The following ZC3H18 variants were observed in gnomAD, a reference collection of about 807,000 sequenced individuals.
ZC3H18 encodes zinc finger CCCH-type containing 18, also known as zinc finger CCCH domain-containing protein 18.
ZC3H18 carries 8 observed loss-of-function variants against 106.1 expected under a neutral mutation model. The observed-to-expected ratio is 0.08, with a 90% CI of 0.04 to 0.14. The LOEUF (loss-of-function observed/expected upper bound fraction) is 0.14, where lower values mean the gene tolerates loss of function less well. Among genes scored for constraint, ZC3H18 ranks in the 10% least tolerant of loss-of-function variants. ZC3H18 has a pLI of 1.00. For synonymous variants in ZC3H18, 635 were observed against 522.1 expected, an observed-to-expected ratio of 1.22 and a Z score of -2.95; for missense variants, 1,318 against 1,278.4, an observed-to-expected ratio of 1.03 and a Z score of -0.47.
At chr16:88,577,881 A>G (rs191444128) in intron 2 of ZC3H18, among the ~76,000 whole-genome samples, 155 bp downstream of exon 2, 2 of 152,342 alleles carry the variant, frequency 1.3e-5, no homozygotes, top group Non-Finnish European at 2.9e-5. Flanking sequence ...GTTCAGTCCC[A>G]TAGTGATTGG....
chr16:88,623,479 C>A, intron 10 of ZC3H18, 135 bp downstream of exon 10: 1 of 1,235,774 alleles, frequency 8.1e-7, no homozygotes, highest in Non-Finnish European at 1.1e-6. Context: ...CTAGGATGGC[C>A]AGGGGGTCGT....
At chr16:88,580,554 CCT>C (rs1185464806) in intron 2 of ZC3H18, among the ~76,000 whole-genome samples, 4 of 152,150 alleles carry the variant, frequency 2.6e-5, no homozygotes, top group Non-Finnish European at 5.9e-5. Flanking sequence ...GCTTTTTCCT[CCT>C]CTCAGGCCCA....
chr16:88,628,667 G>T, intron 15 of ZC3H18, 91 bp from the exon 16 acceptor site: 1 of 1,390,178 alleles, frequency 7.2e-7, no homozygotes, highest in Non-Finnish European at 1.0e-6. Context: ...AGCAGAGCAG[G>T]TTGCTGGCAA....
At chr16:88,603,879 G>A (rs1340341757) in intron 6 of ZC3H18, among the ~76,000 whole-genome samples, 7 of 150,012 alleles carry the variant, frequency 4.7e-5, no homozygotes, top group Non-Finnish European at 4.4e-5. Flanking sequence ...GTGATCCACC[G>A]GCCTTGGCCT....
intron 8 of ZC3H18, among the ~76,000 whole-genome samples, chr16:88,613,668 T>C (rs1294988902): frequency 6.6e-6 from 1 of 152,238 alleles, no homozygotes; most frequent in Non-Finnish European, 1.5e-5. Flanking sequence ...TTCAGATCCT[T>C]TGCTCATTTT....
chr16:88,613,962 A>T (rs1161236396), intron 8 of ZC3H18, among the ~76,000 whole-genome samples: 1 of 152,142 alleles, frequency 6.6e-6, no homozygotes, highest in African/African-American at 2.4e-5. Context: ...GAGAGCATGA[A>T]CGTTGCTCCG....
intron 4 of ZC3H18, 72 bp downstream of exon 4, chr16:88,598,398 C>T (rs1362968238): frequency 1.3e-6 from 2 of 1,542,974 alleles, no homozygotes; most frequent in East Asian, 2.3e-5. Context: ...AAGCTTAAGA[C>T]AAGTCACTGT....
At chr16:88,609,946 C>T (rs1316719900) in intron 7 of ZC3H18, among the ~76,000 whole-genome samples, 1 of 152,130 alleles carries the variant, frequency 6.6e-6, no homozygotes, top group Non-Finnish European at 1.5e-5. Flanking sequence ...TTACTGATGC[C>T]TGTGTCCAGG....
chr16:88,576,433 G>T (rs775234061), intron 1 of ZC3H18, among the ~76,000 whole-genome samples: 7 of 152,290 alleles, frequency 4.6e-5, no homozygotes, highest in Non-Finnish European at 8.8e-5. Flanking sequence ...GGGAAGAGGG[G>T]TTCTCAACTT....
At chr16:88,580,792 G>A (rs1228202141) in intron 2 of ZC3H18, among the ~76,000 whole-genome samples, 1 of 152,148 alleles carries the variant, frequency 6.6e-6, no homozygotes, top group African/African-American at 2.4e-5. Context: ...TTCAGTCCCT[G>A]GAAAGCAGCC....
intron 16 of ZC3H18, chr16:88,630,235 C>T (rs537646075): frequency 2.1e-6 from 1 of 482,656 alleles, no homozygotes; most frequent in African/African-American, 2.0e-5. Context: ...TTTTGTCTCT[C>T]TGCGTGAGAT....
Position 88,631,150 on chromosome 16 carries a change from G to A in ZC3H18, c.2713G>A (p.Val905Met), listed in dbSNP as rs1434726505. ...CAAGAGCTCCAGCAAGGTCACGAGC[G>A]TGCCCGGCAAAGCCTCGGATCCCGG... ...QSKSSSKVTS[V>M]PGKASDPGAA... Residue 905 changes from valine to methionine, a missense_variant, in exon 18 of 18, where the codon GTG becomes ATG. Physicochemically the swap from Val to Met is conservative, Grantham distance 21 (BLOSUM62 1). Coordinates refer to ENST00000301011, the MANE Select transcript of ZC3H18 (RefSeq NM_144604.4). The A allele has an allele frequency of 3.7e-6, 6 of 1,613,258 alleles. No homozygotes were observed. The highest frequency in any genetic ancestry group is 2.7e-5 in the African/African-American group (2 of 74,924).
At chr16:88,610,771 G>A (rs2142745801) in intron 7 of ZC3H18, among the ~76,000 whole-genome samples, 1 of 152,356 alleles carries the variant, frequency 6.6e-6, no homozygotes, top group East Asian at 1.9e-4. Context: ...CCAGAGGCAG[G>A]GCATGTGCTC....
At chr16:88,623,544 G>T in intron 10 of ZC3H18, 200 bp downstream of exon 10, 1 of 681,898 alleles carries the variant, frequency 1.5e-6, no homozygotes, top group Non-Finnish European at 2.4e-6. Flanking sequence ...TTGTGTAGAT[G>T]CGTGCTGTCA....
rs140832688 is a variant in ZC3H18, at chr16:88,581,525, C to T, written c.603+3799C>T. 1.1e-4 allele frequency among the ~76,000 whole-genome samples: 16 copies of T among 152,280 alleles called. No homozygotes were observed. The South Asian group carries it at 2.9e-3, about 28-fold the overall frequency. ...CTGATGCAAGTATCTTCTGGAAGTG[C>T]CGCTGGCCTGCGTGGTGGGGTGGAA... On this transcript the variant is annotated intron_variant, in intron 2 of 17. Transcript: ENST00000301011.
intron 7 of ZC3H18, among the ~76,000 whole-genome samples, 191 bp from the exon 8 acceptor site, chr16:88,611,077 A>G (rs118163745): frequency 1.7e-4 from 26 of 152,282 alleles, no homozygotes; most frequent in Admixed American, 7.2e-4. Flanking sequence ...CTCTCTTGCC[A>G]TCTCCTCTGT....
At chr16:88,605,079 AG>A (rs1904947129) in intron 6 of ZC3H18, among the ~76,000 whole-genome samples, 1 of 152,254 alleles carries the variant, frequency 6.6e-6, no homozygotes, top group Non-Finnish European at 1.5e-5. Context: ...CTCAGGTAAC[AG>A]GTCTACCAGA....
chr16:88,624,682 C>G lies in ZC3H18; in HGVS notation c.1979C>G (p.Thr660Ser). ...ACCACTGCTCCTGTCCCCGAGCCCA[C>G]CAAGCCAGGAGACCCTCGGGAAGCC... ...TKTTAPVPEPTKPGDPREARR... is the reference protein window; with the variant it reads ...TKTTAPVPEPSKPGDPREARR... Residue 660 changes from threonine to serine, a missense_variant, in exon 12 of 18, where the codon ACC becomes AGC. This residue lies in a region of ZC3H18 where 848 missense variants were observed against 821.7 expected (regional missense o/e 1.03). Coordinates refer to ENST00000301011, the MANE Select transcript of ZC3H18 (RefSeq NM_144604.4). 6.2e-7 allele frequency: 1 copy of G among 1,613,546 alleles called. No homozygotes were observed. The highest frequency in any genetic ancestry group is 1.3e-5 in the African/African-American group (1 of 75,026).
chr16:88,580,374 CT>C (rs1915052044), intron 2 of ZC3H18, among the ~76,000 whole-genome samples: 1 of 152,056 alleles, frequency 6.6e-6, no homozygotes, highest in Non-Finnish European at 1.5e-5. Flanking sequence ...AGGTGAGAAC[CT>C]TTGTAATGTG....
Sources: gnomAD v4.1 joint callset for allele counts (sites outside exome capture counted in the v4.1 genomes callset) on GRCh38, gnomAD v4.1.1 for gene constraint, gnomAD v4.1.1 regional missense constraint, MANE v1.5 for transcripts, NCBI Gene and HGNC (gene_info 2026-07-23, HGNC 2026-07-21) for gene names.